Variants in AK7 observed in about 807,000 individuals in gnomAD.
AK7 encodes the protein adenylate kinase 7, also known as ATP-AMP transphosphorylase 7.
Under a neutral mutation model 96.6 loss-of-function variants are expected in AK7, and 78 were observed. That is an observed-to-expected ratio of 0.81 (90% CI 0.67 to 0.97). The LOEUF is 0.97. Among genes scored for constraint, AK7 ranks in the 50% least tolerant of loss-of-function variants. AK7 has a pLI of 0.00. For synonymous variants in AK7, 302 were observed against 317.2 expected (o/e 0.95, Z 0.51); for missense variants, 855 against 887.9 (o/e 0.96, Z 0.47).
At chr14:96,401,479 TTG>T (rs1890405985) in intron 2 of AK7, among the ~76,000 whole-genome samples, 1 of 152,052 alleles carries the variant, frequency 6.6e-6, no homozygotes, top group African/African-American at 2.4e-5. Context: ...TGAGTGGAGC[TTG>T]CAAGACAAGT....
intron 10 of AK7, among the ~76,000 whole-genome samples, chr14:96,455,172 T>C (rs2140120552): frequency 6.6e-6 from 1 of 151,734 alleles, no homozygotes; most frequent in South Asian, 2.1e-4. Context: ...TGTCTCAAAA[T>C]AGTAACAATA....
intron 5 of AK7, among the ~76,000 whole-genome samples, chr14:96,428,850 A>G (rs187027547): frequency 1.1e-4 from 17 of 150,920 alleles, no homozygotes; most frequent in African/African-American, 3.5e-4. Flanking sequence ...TTCTTTGTAG[A>G]TTCTGGATAT....
chr14:96,434,422 GTCTCTCTCTCTCTCTCTC>G (rs3077780), intron 5 of AK7, among the ~76,000 whole-genome samples: 1 of 149,440 alleles, frequency 6.7e-6, no homozygotes, highest in African/African-American at 2.5e-5. Context: ...CTGTCTGTCT[GTCTCTCTCTCTCTCTCTC>G]TCTCTCTCTC....
chr14:96,425,424 A>G (rs1288364721), intron 5 of AK7, among the ~76,000 whole-genome samples: 3 of 152,120 alleles, frequency 2.0e-5, no homozygotes, highest in African/African-American at 7.2e-5. Context: ...AGTTGCCAAA[A>G]TAGTCCTGAA....
At chr14:96,485,287 CCT>C (rs1338814636) in intron 16 of AK7, among the ~76,000 whole-genome samples, 2 of 152,044 alleles carry the variant, frequency 1.3e-5, no homozygotes, top group Non-Finnish European at 2.9e-5. Context: ...TTTCTTTGCC[CCT>C]GTTTGGGCTG....
chr14:96,454,441 GT>G (rs912609969), intron 10 of AK7, among the ~76,000 whole-genome samples: 173 of 143,858 alleles, frequency 1.2e-3, no homozygotes, highest in African/African-American at 2.8e-3. Context: ...GAGAAATGGT[GT>G]TTTTTTTTTT....
intron 1 of AK7, among the ~76,000 whole-genome samples, chr14:96,396,047 T>C (rs2139972338): frequency 6.6e-6 from 1 of 152,200 alleles, no homozygotes; most frequent in Non-Finnish European, 1.5e-5. Context: ...CCTGACCTCG[T>C]GATCTGCCTG....
intron 7 of AK7, among the ~76,000 whole-genome samples, chr14:96,443,773 A>C (rs573984403): frequency 1.9e-5 from 2 of 107,634 alleles, no homozygotes; most frequent in East Asian, 2.9e-4. Flanking sequence ...AACAAAAAAA[A>C]CTCATAATTT....
rs1019555982 is a variant in AK7 at position 96,399,451 on chromosome 14, A to C, written c.294+1188A>C. ...GCTCAAATCATTCCTGCTGTAAAAA[A>C]CACTTAACTTGGCCTCCCTGCTGGC... On this transcript the variant is annotated intron_variant, in intron 2 of 17. Coordinates refer to ENST00000267584, the MANE Select transcript of AK7 (RefSeq NM_152327.5). This position sits in a 1 kb window ranked among gnomAD's most constrained non-coding sequence, Gnocchi z 4.1. 7.9e-5 allele frequency among the ~76,000 whole-genome samples: 12 copies of C among 152,108 alleles called. No homozygotes were observed. Among genetic ancestry groups the C allele is most frequent in the Non-Finnish European group, 1.5e-4 (10 of 68,022 alleles).
chr14:96,419,487 C>T lies in AK7; in HGVS notation c.499-1335C>T, dbSNP rs545083738. On this transcript the variant is annotated intron_variant, in intron 4 of 17. Coordinates refer to ENST00000267584, the MANE Select transcript of AK7 (RefSeq NM_152327.5). ...TCTACAAAAAAATAAAATAAATGAG[C>T]TGGGCATGGAGGTGTGTGCCTATAT... Among the ~76,000 whole-genome samples, 5 of 151,938 alleles carry T rather than the reference C, an allele frequency of 3.3e-5. No individual in the cohort carries two copies. In the South Asian group the frequency reaches 6.2e-4, roughly 19 times the overall value.
At chr14:96,482,063 T>A (rs1488341192) in intron 15 of AK7, among the ~76,000 whole-genome samples, 1 of 152,088 alleles carries the variant, frequency 6.6e-6, no homozygotes, top group African/African-American at 2.4e-5. Flanking sequence ...CCTCCCCTCT[T>A]CCCATATTAG....
At chr14:96,442,408 G>A (rs1893007570) in intron 6 of AK7, among the ~76,000 whole-genome samples, 1 of 152,102 alleles carries the variant, frequency 6.6e-6, no homozygotes, top group Admixed American at 6.6e-5. Flanking sequence ...ACTAAATACG[G>A]CTGAGAGGTT....
intron 13 of AK7, 145 bp from the exon 14 acceptor site, chr14:96,472,542 G>A (rs1894956051): frequency 1.6e-6 from 1 of 606,526 alleles, no homozygotes; most frequent in Admixed American, 2.8e-5. Flanking sequence ...TGTACATTTA[G>A]TTTGTGAGAC....
At chr14:96,432,743 G>C (rs1892424835) in intron 5 of AK7, among the ~76,000 whole-genome samples, 1 of 151,796 alleles carries the variant, frequency 6.6e-6, no homozygotes, top group South Asian at 2.1e-4. Flanking sequence ...CCAGCACTTT[G>C]GGAGCCCACG....
chr14:96,442,808 G>C lies in AK7; in HGVS notation c.769G>C (p.Asp257His). The change falls in exon 7 of 18, where the codon GAT becomes CAT. Residue 257 changes from aspartate (D) to histidine (H), a missense_variant. Asp to His is a moderately conservative substitution (Grantham distance 81, BLOSUM62 -1). Coordinates refer to ENST00000267584, the MANE Select transcript of AK7 (RefSeq NM_152327.5). ...TGTAATTCCAACAATCCATGTTCTTGATCTAGCAGGGTAAGCATTCGCCCA... is the reference window on the plus strand; with the variant it reads ...TGTAATTCCAACAATCCATGTTCTTCATCTAGCAGGGTAAGCATTCGCCCA... ...TNVIPTIHVL[D>H]LAGVIQNVID... 1 of 1,613,836 alleles carries C rather than the reference G, an allele frequency of 6.2e-7. No individual in the cohort carries two copies. The highest frequency in any genetic ancestry group is 8.5e-7 in the Non-Finnish European group (1 of 1,179,714).
chr14:96,394,145 C>T (rs1407409064), intron 1 of AK7, among the ~76,000 whole-genome samples: 2 of 151,828 alleles, frequency 1.3e-5, no homozygotes, highest in African/African-American at 4.8e-5. Context: ...ATCTAACATA[C>T]ACAGGATGAG....
intron 8 of AK7, among the ~76,000 whole-genome samples, chr14:96,447,326 T>A (rs1456358073): frequency 6.6e-6 from 1 of 152,196 alleles, no homozygotes; most frequent in Non-Finnish European, 1.5e-5. Flanking sequence ...TATTTACTTA[T>A]TTTTTTGATA....
In AK7 at chr14:96,413,270, G is replaced by A. The variant is rs148264497; in HGVS notation, c.498+4329G>A. On this transcript the variant is annotated intron_variant, in intron 4 of 17. Coordinates refer to ENST00000267584, the MANE Select transcript of AK7 (RefSeq NM_152327.5). ...ATCGCAAAAGTGATTCTGTCTGTTG[G>A]TTGCTTCCCACCTGCCCCTCCAGAG... Among the ~76,000 whole-genome samples, 28 of 152,340 alleles carry A rather than the reference G, an allele frequency of 1.8e-4. No individual in the cohort carries two copies. In the East Asian group the frequency reaches 5.4e-3, roughly 29 times the overall value.
chr14:96,482,051 C>T (rs1319994954), intron 15 of AK7, among the ~76,000 whole-genome samples: 1 of 152,146 alleles, frequency 6.6e-6, no homozygotes, highest in South Asian at 2.1e-4. Flanking sequence ...ACTGGCTCTG[C>T]TCCTCCCCTC....
Sources: allele counts gnomAD v4.1 joint callset (sites outside exome capture counted in the v4.1 genomes callset), GRCh38; gene constraint gnomAD v4.1.1; non-coding constraint Gnocchi (gnomAD v3.1); transcripts MANE v1.5; gene names NCBI Gene and HGNC (gene_info 2026-07-23, HGNC 2026-07-21).